Variants in DENND1A observed in about 807,000 individuals in gnomAD.
DENND1A encodes the protein DENN domain containing 1A, also known as DENN domain-containing protein 1A.
Under a neutral mutation model 113.7 loss-of-function variants are expected in DENND1A, and 51 were observed. That is an observed-to-expected ratio of 0.45 (90% CI 0.36 to 0.57). DENND1A has a LOEUF of 0.57. Among genes scored for constraint, DENND1A ranks in the 20% least tolerant of loss-of-function variants. The probability of loss-of-function intolerance (pLI) is 0.00; values close to 1 mark genes in which losing one functional copy is unlikely to be tolerated. For synonymous variants in DENND1A, 565 were observed against 570.8 expected (o/e 0.99, Z 0.14); for missense variants, 1,258 against 1,395.9 (o/e 0.90, Z 1.57).
At chr9:123,799,582 A>G (rs1463749359) in intron 2 of DENND1A, among the ~76,000 whole-genome samples, 2 of 152,222 alleles carry the variant, frequency 1.3e-5, no homozygotes, top group Non-Finnish European at 2.9e-5. Flanking sequence ...GGTAGAGTCC[A>G]GGACTAGATC....
At position 123,670,794 on chromosome 9, in the gene DENND1A, C is replaced by A. The variant is rs191195830; in HGVS notation, c.453+497G>T. Among the ~76,000 whole-genome samples the A allele has an allele frequency of 7.2e-5, 11 of 152,256 alleles. No homozygotes were observed. In the East Asian group the frequency reaches 2.1e-3, roughly 29 times the overall value. On this transcript the variant is annotated intron_variant, in intron 7 of 23. Coordinates refer to ENST00000394215, the MANE Select transcript of DENND1A (RefSeq NM_001352964.2). Reference sequence around the variant, plus strand: ...GCAAAGGAGGTAATCTTAGCAAAACCTACGAGGTATCAAGGGAGGATTTCT... The same window carrying A: ...GCAAAGGAGGTAATCTTAGCAAAACATACGAGGTATCAAGGGAGGATTTCT...
intron 13 of DENND1A, among the ~76,000 whole-genome samples, chr9:123,532,339 C>T (rs987597035): frequency 1.3e-5 from 2 of 152,320 alleles, no homozygotes; most frequent in East Asian, 1.9e-4. Context: ...CCAACTGTCC[C>T]AATAATGACT....
In DENND1A at chr9:123,619,308, T is replaced by A. The variant is rs567768989; in HGVS notation, c.720-9827A>T. Among the ~76,000 whole-genome samples the A allele has an allele frequency of 1.3e-5, 2 of 152,330 alleles. 1 individual carries two copies. Among genetic ancestry groups the A allele is most frequent in the East Asian group, 3.9e-4 (2 of 5,188 alleles). ...CTAACAATATAGACTGTATTAAAAA[T>A]CTAATGTGTCTGGAATTAGTGGTGG... On this transcript the variant is annotated intron_variant, in intron 10 of 23. Coordinates refer to ENST00000394215, the MANE Select transcript of DENND1A (RefSeq NM_001352964.2).
At chr9:123,574,283 A>G (rs1475498110) in intron 12 of DENND1A, among the ~76,000 whole-genome samples, 2 of 151,176 alleles carry the variant, frequency 1.3e-5, no homozygotes, top group African/African-American at 4.9e-5. Context: ...TGTTTTTTGA[A>G]AAAGTTGGTG....
intron 2 of DENND1A, among the ~76,000 whole-genome samples, chr9:123,823,283 C>T (rs150963715): frequency 6.6e-5 from 10 of 152,254 alleles, no homozygotes; most frequent in Admixed American, 1.3e-4. Context: ...AATTATCCCA[C>T]GAGTAGCCTT....
At chr9:123,916,120 T>C (rs938903037) in intron 1 of DENND1A, among the ~76,000 whole-genome samples, 4 of 152,032 alleles carry the variant, frequency 2.6e-5, no homozygotes, top group Non-Finnish European at 5.9e-5. Context: ...AATAAAAGAC[T>C]AGAAGCAACC....
At chr9:123,821,080 T>C (rs994787439) in intron 2 of DENND1A, among the ~76,000 whole-genome samples, 3 of 152,258 alleles carry the variant, frequency 2.0e-5, no homozygotes, top group African/African-American at 7.2e-5. Context: ...GGCAACTTTT[T>C]AGGAATACTG....
At chr9:123,842,461 G>A (rs899482801) in intron 2 of DENND1A, among the ~76,000 whole-genome samples, 3 of 151,674 alleles carry the variant, frequency 2.0e-5, no homozygotes, top group Admixed American at 6.6e-5. Context: ...AGGTTTTCTG[G>A]TTTAGCAGAA....
intron 3 of DENND1A, among the ~76,000 whole-genome samples, chr9:123,770,966 A>G (rs754659448): frequency 2.6e-5 from 4 of 152,212 alleles, no homozygotes; most frequent in African/African-American, 9.6e-5. Context: ...TTCCGCCTAC[A>G]TAATTCAATT....
At position 123,591,032 on chromosome 9, in the gene DENND1A, G is replaced by C. The variant is rs181750479; in HGVS notation, c.766-7762C>G. Among the ~76,000 whole-genome samples the C allele has an allele frequency of 3.5e-3, 531 of 152,184 alleles. 1 individual carries two copies. The highest frequency in any genetic ancestry group is 0.012 in the African/African-American group (508 of 41,518). Reference sequence around the variant, plus strand: ...AGGATTTTTAACTTTTTCAATTCAAGCCCTCTTAGGATAAATATAAAAAGC... The same window carrying C: ...AGGATTTTTAACTTTTTCAATTCAACCCCTCTTAGGATAAATATAAAAAGC... On this transcript the variant is annotated intron_variant, in intron 11 of 23. Coordinates refer to ENST00000394215, the MANE Select transcript of DENND1A (RefSeq NM_001352964.2).
intron 8 of DENND1A, among the ~76,000 whole-genome samples, chr9:123,666,734 T>C (rs1466162505): frequency 1.3e-5 from 2 of 152,152 alleles, no homozygotes; most frequent in Non-Finnish European, 1.5e-5. Flanking sequence ...TATGTAAAAA[T>C]ACATTCTAAA....
chr9:123,486,134 C>T (rs575631326), intron 13 of DENND1A, among the ~76,000 whole-genome samples: 2 of 152,294 alleles, frequency 1.3e-5, no homozygotes, highest in South Asian at 4.1e-4. Context: ...AAGTCACAAC[C>T]TCTCTGAGCC....
rs551854967 is a variant in DENND1A, at chr9:123,832,052, A to G, written c.89-39422T>C. Among the ~76,000 whole-genome samples, 26 of 152,336 alleles carry G rather than the reference A, an allele frequency of 1.7e-4. No homozygotes were observed. In the South Asian group the frequency reaches 4.8e-3, roughly 28 times the overall value. ...GATTCACTTGATTTAATCATTCCAC[A>G]TTGTACACATATATCAAAACATCAC... On this transcript the variant is annotated intron_variant, in intron 2 of 23. Coordinates refer to ENST00000394215, the MANE Select transcript of DENND1A (RefSeq NM_001352964.2).
At chr9:123,434,599 A>T (rs1018438293) in intron 19 of DENND1A, among the ~76,000 whole-genome samples, 3 of 152,220 alleles carry the variant, frequency 2.0e-5, no homozygotes, top group Non-Finnish European at 4.4e-5. Context: ...GAAGGCAAGC[A>T]TTAAAGAAAA....
At chr9:123,476,729 C>G (rs957257682) in intron 13 of DENND1A, among the ~76,000 whole-genome samples, 2 of 152,150 alleles carry the variant, frequency 1.3e-5, no homozygotes, top group Admixed American at 6.5e-5. Context: ...GCCAGGTACC[C>G]TTCTAGGTGT....
At chr9:123,655,880 C>A (rs1564895043) in intron 8 of DENND1A, among the ~76,000 whole-genome samples, 1 of 152,244 alleles carries the variant, frequency 6.6e-6, no homozygotes, top group Non-Finnish European at 1.5e-5. Flanking sequence ...TATAATCAGG[C>A]AATCAACACA....
At chr9:123,844,684 C>T (rs1842334459) in intron 2 of DENND1A, among the ~76,000 whole-genome samples, 1 of 152,142 alleles carries the variant, frequency 6.6e-6, no homozygotes, top group South Asian at 2.1e-4. Flanking sequence ...CTACCAAAAT[C>T]CCAGCTGGGC....
chr9:123,844,286 T>C (rs1016328237), intron 2 of DENND1A, among the ~76,000 whole-genome samples: 1 of 152,168 alleles, frequency 6.6e-6, no homozygotes, highest in African/African-American at 2.4e-5. Flanking sequence ...ACTATCTTGA[T>C]TTGTACATTA....
chr9:123,614,445 G>T (rs1033646136), intron 10 of DENND1A, among the ~76,000 whole-genome samples: 2 of 152,194 alleles, frequency 1.3e-5, no homozygotes, highest in African/African-American at 4.8e-5. Context: ...TAACGATCCT[G>T]TAGTCCTTGT....
Sources: allele counts gnomAD v4.1 joint callset (sites outside exome capture counted in the v4.1 genomes callset), GRCh38; gene constraint gnomAD v4.1.1; transcripts MANE v1.5; gene names NCBI Gene and HGNC (gene_info 2026-07-23, HGNC 2026-07-21).